FAM185A: variants seen among roughly 807,000 people sequenced by gnomAD.
FAM185A encodes the protein protein FAM185A.
In FAM185A, 21 loss-of-function variants were observed where a neutral mutation model predicts 45.7. The ratio of observed to expected loss-of-function variants is 0.46; its 90% CI spans 0.33 to 0.66. FAM185A has a LOEUF of 0.66. Ranked by LOEUF, FAM185A falls within the 30% of genes least tolerant of loss-of-function variation. FAM185A has a pLI of 0.03. For missense variants in FAM185A, 305 were observed against 485.4 expected, an observed-to-expected ratio of 0.63 and a Z score of 3.49; for synonymous variants, 117 against 194.0, an observed-to-expected ratio of 0.60 and a Z score of 3.30.
chr7:102,849,997 T>C, the FAM185A span, among the ~76,000 whole-genome samples: 1 of 151,688 alleles, frequency 6.6e-6, no homozygotes, highest in East Asian at 1.9e-4. Context: ...TATCCTGTTT[T>C]GTTTTGTTTT....
At chr7:102,805,424 T>G (rs6964265) in intron 7 of FAM185A, among the ~76,000 whole-genome samples, 1 of 151,654 alleles carries the variant, frequency 6.6e-6, no homozygotes, top group African/African-American at 2.4e-5. Context: ...GTGAAGTAAC[T>G]CAGGAATGGA....
intron 7 of FAM185A, among the ~76,000 whole-genome samples, chr7:102,807,159 C>G (rs1196439194): frequency 2.7e-5 from 4 of 148,178 alleles, no homozygotes. Flanking sequence ...CATAGTGCCG[C>G]AAAGCTGATC....
chr7:102,848,102 C>G, the FAM185A span, among the ~76,000 whole-genome samples: 16 of 152,266 alleles, frequency 1.1e-4, no homozygotes, highest in African/African-American at 3.8e-4. Flanking sequence ...GCCAGTCCTT[C>G]TGGTGCATCC....
At chr7:102,799,548 G>A (rs1027295946) in intron 7 of FAM185A, among the ~76,000 whole-genome samples, 2 of 152,202 alleles carry the variant, frequency 1.3e-5, no homozygotes, top group African/African-American at 4.8e-5. Context: ...TGAGGAAGAG[G>A]ATCATTCTGT....
In FAM185A at chr7:102,749,383, C is replaced by T. The variant is rs1329933435; in HGVS notation, c.176C>T (p.Pro59Leu). Reference sequence around the variant, plus strand: ...GAGACTGAGGTCCCTCCGCCTGGCCCGGGGCGCCGAACTCTGAAGGAGTGG... The same window carrying T: ...GAGACTGAGGTCCCTCCGCCTGGCCTGGGGCGCCGAACTCTGAAGGAGTGG... ...GSETEVPPPG[P>L]GRRTLKEWTL... Residue 59 changes from proline to leucine, a missense_variant, in exon 1 of 8, where the codon CCG becomes CTG. Coordinates refer to ENST00000413034, the MANE Select transcript of FAM185A (RefSeq NM_001145268.2). 1.9e-6 allele frequency: 3 copies of T among 1,548,424 alleles called. No homozygotes were observed. The Admixed American group carries it at 5.9e-5, about 30-fold the overall frequency.
intron 6 of FAM185A, among the ~76,000 whole-genome samples, chr7:102,779,075 T>C (rs557659310): frequency 6.6e-6 from 1 of 152,346 alleles, no homozygotes; most frequent in South Asian, 2.1e-4. Flanking sequence ...GTACTGACTT[T>C]TCTACTTAAC....
At chr7:102,819,285 T>G in the FAM185A span, among the ~76,000 whole-genome samples, 1 of 152,284 alleles carries the variant, frequency 6.6e-6, no homozygotes, top group African/African-American at 2.4e-5. Context: ...TAGTTGTTAC[T>G]TATTCCTCCT....
At chr7:102,783,778 A>G (rs1315952402) in intron 6 of FAM185A, among the ~76,000 whole-genome samples, 1 of 152,220 alleles carries the variant, frequency 6.6e-6, no homozygotes, top group African/African-American at 2.4e-5. Context: ...AAAGAACTAG[A>G]GAAGCAAGAG....
intron 7 of FAM185A, among the ~76,000 whole-genome samples, chr7:102,791,334 C>A (rs1192312952): frequency 1.2e-4 from 18 of 152,274 alleles, no homozygotes; most frequent in African/African-American, 3.9e-4. Flanking sequence ...TGCAGTAATT[C>A]AGCAGAAGGA....
chr7:102,777,493 T>C (rs1795138681), intron 6 of FAM185A, 145 bp downstream of exon 6: 1 of 528,330 alleles, frequency 1.9e-6, no homozygotes, highest in Non-Finnish European at 3.1e-6. Context: ...AAGGCACTGG[T>C]CTGCTAGCTT....
chr7:102,821,919 T>C, the FAM185A span: 1 of 1,141,528 alleles, frequency 8.8e-7, no homozygotes, highest in Admixed American at 2.3e-5. Flanking sequence ...AGGCAAAAAA[T>C]AAAATGAAAT....
intron 7 of FAM185A, among the ~76,000 whole-genome samples, chr7:102,803,032 T>G (rs2129443866): frequency 6.6e-6 from 1 of 152,092 alleles, no homozygotes; most frequent in South Asian, 2.1e-4. Context: ...GAGATTGAAG[T>G]GGTAATTAAA....
the FAM185A span, among the ~76,000 whole-genome samples, chr7:102,818,780 T>A: frequency 7.2e-5 from 11 of 152,294 alleles, no homozygotes; most frequent in East Asian, 1.5e-3. Flanking sequence ...TTTATTTTTT[T>A]AAAAAATTTA....
intron 3 of FAM185A, among the ~76,000 whole-genome samples, chr7:102,760,728 A>G (rs1045148031): frequency 6.6e-6 from 1 of 152,146 alleles, no homozygotes; most frequent in African/African-American, 2.4e-5. Flanking sequence ...TGCGGGCCTG[A>G]GACAGATGGT....
At chr7:102,797,078 A>G (rs2430066) in intron 7 of FAM185A, among the ~76,000 whole-genome samples, 1 of 152,250 alleles carries the variant, frequency 6.6e-6, no homozygotes, top group African/African-American at 2.4e-5. Flanking sequence ...AGGCATCATT[A>G]AAACTAGCTC....
At chr7:102,805,260 G>A (rs1382508746) in intron 7 of FAM185A, among the ~76,000 whole-genome samples, 5 of 152,148 alleles carry the variant, frequency 3.3e-5, no homozygotes, top group Non-Finnish European at 7.3e-5. Context: ...ATTTGCAATT[G>A]CAAAATCAAG....
intron 7 of FAM185A, among the ~76,000 whole-genome samples, chr7:102,790,608 T>A (rs779164844): frequency 3.9e-5 from 6 of 152,220 alleles, no homozygotes; most frequent in Admixed American, 6.5e-5. Flanking sequence ...TTTGTCATAT[T>A]TTTATTCATT....
chr7:102,796,518 T>G (rs956795937), intron 7 of FAM185A, among the ~76,000 whole-genome samples: 4 of 152,228 alleles, frequency 2.6e-5, no homozygotes, highest in African/African-American at 9.6e-5. Context: ...ATAAACTAAG[T>G]TCCTCCCAAA....
intron 4 of FAM185A, among the ~76,000 whole-genome samples, chr7:102,765,350 T>C (rs903434624): frequency 5.9e-5 from 9 of 152,176 alleles, no homozygotes; most frequent in Non-Finnish European, 1.3e-4. Context: ...TGTTTGGGCT[T>C]AGCTCCATGG....
Sources: allele counts gnomAD v4.1 joint callset (sites outside exome capture counted in the v4.1 genomes callset), GRCh38; gene constraint gnomAD v4.1.1; transcripts MANE v1.5; gene names NCBI Gene and HGNC (gene_info 2026-07-23, HGNC 2026-07-21).